CNTNAP2: variants seen among roughly 807,000 people sequenced by gnomAD.
CNTNAP2 encodes the protein contactin associated protein 2.
In CNTNAP2, 98 loss-of-function variants were observed where a neutral mutation model predicts 155.2. The observed-to-expected ratio is 0.63, with a 90% CI of 0.54 to 0.75. The LOEUF (loss-of-function observed/expected upper bound fraction) is 0.75. Ranked by LOEUF, CNTNAP2 falls within the 30% of genes least tolerant of loss-of-function variation. The probability of loss-of-function intolerance (pLI) is 0.00; values close to 1 mark genes in which losing one functional copy is unlikely to be tolerated. For missense variants in CNTNAP2, 1,727 were observed against 1,688.1 expected (o/e 1.02, Z -0.40); for synonymous variants, 651 against 631.2 (o/e 1.03, Z -0.47).
At chr7:147,337,733 C>T (rs1224478868) in intron 9 of CNTNAP2, among the ~76,000 whole-genome samples, 1 of 152,076 alleles carries the variant, frequency 6.6e-6, no homozygotes, top group Admixed American at 6.6e-5. Context: ...TATTTGAACC[C>T]TCTGCCATTT....
intron 8 of CNTNAP2, among the ~76,000 whole-genome samples, chr7:147,195,896 T>C (rs886875162): frequency 6.6e-6 from 1 of 152,152 alleles, no homozygotes; most frequent in Non-Finnish European, 1.5e-5. Flanking sequence ...CACCACAACA[T>C]TTATATTAAA....
chr7:147,508,492 C>G (rs1798955295), intron 11 of CNTNAP2, among the ~76,000 whole-genome samples: 1 of 152,186 alleles, frequency 6.6e-6, no homozygotes, highest in Admixed American at 6.5e-5. Context: ...AACCTTGCAA[C>G]TCTTGATTTA....
At chr7:148,292,940 G>A (rs1480829596) in intron 21 of CNTNAP2, among the ~76,000 whole-genome samples, 2 of 152,034 alleles carry the variant, frequency 1.3e-5, no homozygotes, top group Non-Finnish European at 2.9e-5. Flanking sequence ...AATTGCCTGA[G>A]CCATCTACAC....
chr7:146,549,657 A>G (rs749568460), intron 1 of CNTNAP2, among the ~76,000 whole-genome samples: 47 of 152,206 alleles, frequency 3.1e-4, no homozygotes, highest in Non-Finnish European at 6.0e-4. Context: ...TATAATTTCT[A>G]TAAATTCATG....
At chr7:146,913,207 C>T (rs555492628) in intron 3 of CNTNAP2, among the ~76,000 whole-genome samples, 4 of 152,178 alleles carry the variant, frequency 2.6e-5, no homozygotes, top group South Asian at 4.1e-4. Flanking sequence ...ATGTAGGATT[C>T]CCTAGGTACT....
intron 8 of CNTNAP2, among the ~76,000 whole-genome samples, chr7:147,221,219 CAT>C (rs1803392603): frequency 6.6e-6 from 1 of 152,118 alleles, no homozygotes; most frequent in African/African-American, 2.4e-5. Context: ...TATACACACA[CAT>C]ACACAATATA....
intron 1 of CNTNAP2, among the ~76,000 whole-genome samples, chr7:146,189,015 T>C (rs1043773837): frequency 2.0e-5 from 3 of 152,226 alleles, no homozygotes; most frequent in Admixed American, 1.3e-4. Context: ...TGATGTGTTA[T>C]AGTAATTATG....
chr7:146,504,849 A>T (rs1797359170), intron 1 of CNTNAP2, among the ~76,000 whole-genome samples: 1 of 152,170 alleles, frequency 6.6e-6, no homozygotes, highest in Non-Finnish European at 1.5e-5. Flanking sequence ...CAGGGGGCAC[A>T]AAGTCCTCTG....
intron 9 of CNTNAP2, among the ~76,000 whole-genome samples, chr7:147,326,572 G>A (rs1383754788): frequency 1.3e-5 from 2 of 152,154 alleles, no homozygotes; most frequent in African/African-American, 2.4e-5. Flanking sequence ...TGGATTACAT[G>A]TTAATTCTAT....
chr7:146,413,651 T>C (rs1795897568), intron 1 of CNTNAP2, among the ~76,000 whole-genome samples: 1 of 152,140 alleles, frequency 6.6e-6, no homozygotes, highest in Non-Finnish European at 1.5e-5. Context: ...CTTCCTTATC[T>C]CTCTCTTCCT....
chr7:147,921,068 C>T (rs1479097854), intron 14 of CNTNAP2, among the ~76,000 whole-genome samples: 3 of 152,032 alleles, frequency 2.0e-5, no homozygotes, highest in African/African-American at 7.2e-5. Context: ...CTCGGCCTCC[C>T]AAAGTGCTGA....
rs181013891 is a variant in CNTNAP2, at chr7:146,731,715, C to T, written c.98-42556C>T. On this transcript the variant is annotated intron_variant, in intron 1 of 23. Coordinates refer to ENST00000361727, the MANE Select transcript of CNTNAP2 (RefSeq NM_014141.6). ...AGCACGGATAGAAGTGTGTTTTTAA[C>T]GTATAAAATTATTTGTGCCTGGGAT... 5.4e-3 allele frequency among the ~76,000 whole-genome samples: 824 copies of T among 152,140 alleles called. 8 individuals are homozygous for T. The highest frequency in any genetic ancestry group is 0.017 in the African/African-American group (693 of 41,534).
At chr7:147,250,741 A>G (rs1804179217) in intron 8 of CNTNAP2, among the ~76,000 whole-genome samples, 1 of 152,130 alleles carries the variant, frequency 6.6e-6, no homozygotes, top group Non-Finnish European at 1.5e-5. Context: ...TCCTTGTATC[A>G]TCTACATCAC....
At chr7:147,156,860 A>T (rs183856236) in intron 8 of CNTNAP2, among the ~76,000 whole-genome samples, 15 of 152,192 alleles carry the variant, frequency 9.9e-5, no homozygotes, top group Admixed American at 9.8e-4. Context: ...TTACCTTCAC[A>T]CTAGTATGGT....
rs77431126 is a variant in CNTNAP2 at position 147,459,485 on chromosome 7, G to A, written c.1671-26450G>A. 6.6e-3 allele frequency among the ~76,000 whole-genome samples: 1,010 copies of A among 152,262 alleles called. 11 individuals carry two copies. The highest frequency in any genetic ancestry group is 0.023 in the African/African-American group (955 of 41,556). On this transcript the variant is annotated intron_variant, in intron 10 of 23. Coordinates refer to ENST00000361727, the MANE Select transcript of CNTNAP2 (RefSeq NM_014141.6). ...ATGTGACTAAATTAAGGATCTTGAGGTTTAGAGATTATCTTGGAAATGTGG... is the reference window on the plus strand; with the variant it reads ...ATGTGACTAAATTAAGGATCTTGAGATTTAGAGATTATCTTGGAAATGTGG...
intron 13 of CNTNAP2, among the ~76,000 whole-genome samples, chr7:147,868,875 G>T (rs1253370991): frequency 6.6e-6 from 1 of 152,212 alleles, no homozygotes. Flanking sequence ...GGTACAGTCT[G>T]TCACGGCTTC....
At chr7:147,084,080 A>T (rs1254780807) in intron 4 of CNTNAP2, among the ~76,000 whole-genome samples, 2 of 85,996 alleles carry the variant, frequency 2.3e-5, no homozygotes, top group African/African-American at 9.1e-5. Context: ...TATATGCATA[A>T]TGCTATATAT....
chr7:147,645,784 A>G (rs1795356328), intron 13 of CNTNAP2, among the ~76,000 whole-genome samples: 1 of 152,190 alleles, frequency 6.6e-6, no homozygotes. Flanking sequence ...TAAGAAAAAA[A>G]TGAGAGAAGG....
At chr7:146,468,059 A>G (rs990670173) in intron 1 of CNTNAP2, among the ~76,000 whole-genome samples, 1 of 152,238 alleles carries the variant, frequency 6.6e-6, no homozygotes, top group Non-Finnish European at 1.5e-5. Flanking sequence ...GATAAAACAG[A>G]AATCTTGATA....
Sources: gnomAD v4.1 joint callset for allele counts (sites outside exome capture counted in the v4.1 genomes callset) on GRCh38, gnomAD v4.1.1 for gene constraint, MANE v1.5 for transcripts, NCBI Gene and HGNC (gene_info 2026-07-23, HGNC 2026-07-21) for gene names.